Variants in CCDC144A observed in about 807,000 individuals in gnomAD.
CCDC144A encodes coiled-coil domain containing 144A.
In CCDC144A, 41 loss-of-function variants were observed where a neutral mutation model predicts 143.8. That is an observed-to-expected ratio of 0.29 (90% CI 0.22 to 0.37). The LOEUF (loss-of-function observed/expected upper bound fraction) is 0.37. Ranked by LOEUF, CCDC144A falls within the 10% of genes least tolerant of loss-of-function variation. The pLI is 1.00. For synonymous variants in CCDC144A, 242 were observed against 517.9 expected (o/e 0.47, Z 7.23); for missense variants, 637 against 1,488.8 (o/e 0.43, Z 9.41).
At chr17:16,750,410 C>T (rs1268583143) in intron 12 of CCDC144A, among the ~76,000 whole-genome samples, 1 of 147,440 alleles carries the variant, frequency 6.8e-6, no homozygotes, top group Non-Finnish European at 1.5e-5. Flanking sequence ...ACAACAGGCC[C>T]CACTTTCTGG....
At position 16,732,656 on chromosome 17, in the gene CCDC144A, T is replaced by C. The variant is rs778265060; in HGVS notation, c.2408T>C (p.Met803Thr). The C allele has an allele frequency of 6.2e-7, 1 of 1,607,854 alleles. No homozygotes were observed. Among genetic ancestry groups the C allele is most frequent in the Non-Finnish European group, 8.5e-7 (1 of 1,177,806 alleles). ...GAACTAGAAATGGCTCGAAAGAAAATGAATTCTGAGGTATTTTCTTTAGTC... is the reference window on the plus strand; with the variant it reads ...GAACTAGAAATGGCTCGAAAGAAAACGAATTCTGAGGTATTTTCTTTAGTC... ...QKELEMARKK[M>T]NSEISHRHQK... The change falls in exon 11 of 17, where the codon ATG becomes ACG. Residue 803 changes from methionine to threonine, a missense_variant. Met to Thr is a moderately conservative substitution (Grantham distance 81). Transcript: ENST00000399273.
chr17:16,740,409 C>G (rs145720091), intron 12 of CCDC144A, among the ~76,000 whole-genome samples: 1,547 of 152,274 alleles, frequency 0.01, 21 homozygotes, highest in African/African-American at 0.035. Context: ...AATACTTCAA[C>G]CCATTCAAAG....
chr17:16,675,733 C>T, the CCDC144A span, among the ~76,000 whole-genome samples: 13 of 151,928 alleles, frequency 8.6e-5, 2 homozygotes, highest in East Asian at 1.9e-3. Context: ...TGCCCAGCTT[C>T]GTTAAGCTTA....
intron 2 of CCDC144A, among the ~76,000 whole-genome samples, chr17:16,696,494 C>T (rs1026464067): frequency 6.6e-6 from 1 of 150,556 alleles, no homozygotes; most frequent in South Asian, 2.1e-4. Context: ...ATTAGCTGGA[C>T]GTGGTGGAGC....
At chr17:16,692,803 T>A (rs1002062015) in intron 1 of CCDC144A, among the ~76,000 whole-genome samples, 176 bp from the exon 2 acceptor site, 20 of 151,668 alleles carry the variant, frequency 1.3e-4, no homozygotes, top group Non-Finnish European at 2.5e-4. Context: ...TCATCTTTTT[T>A]TCTTCTTCAG....
intron 2 of CCDC144A, among the ~76,000 whole-genome samples, chr17:16,694,132 G>GA (rs1445545331): frequency 6.7e-6 from 1 of 150,036 alleles, no homozygotes; most frequent in Non-Finnish European, 1.5e-5. Context: ...AGAGGTGGGA[G>GA]AAAATCTGCT....
chr17:16,727,467 A>AGTTT, intron 8 of CCDC144A, 60 bp from the exon 9 acceptor site: 1 of 448,274 alleles, frequency 2.2e-6, no homozygotes, highest in South Asian at 2.2e-5. Context: ...AAAAATGCAC[A>AGTTT]GTTTTTTAAT....
intron 4 of CCDC144A, 103 bp downstream of exon 4, chr17:16,707,645 C>G: frequency 3.3e-6 from 2 of 606,484 alleles, no homozygotes; most frequent in Non-Finnish European, 5.7e-6. Flanking sequence ...TCAGACTAGC[C>G]TTTGAGAACC....
At chr17:16,680,226 C>T in the CCDC144A span, among the ~76,000 whole-genome samples, 3 of 151,908 alleles carry the variant, frequency 2.0e-5, no homozygotes, top group East Asian at 1.9e-4. Context: ...TCCAGGCATT[C>T]GAGACCAGCC....
At chr17:16,716,878 A>G (rs1597552061) in intron 6 of CCDC144A, among the ~76,000 whole-genome samples, 1 of 137,114 alleles carries the variant, frequency 7.3e-6, no homozygotes, top group East Asian at 2.1e-4. Context: ...CAGTGGCACC[A>G]TCTCAGCTCA....
chr17:16,725,872 T>C (rs1294870250), intron 8 of CCDC144A, among the ~76,000 whole-genome samples: 1 of 151,050 alleles, frequency 6.6e-6, no homozygotes, highest in African/African-American at 2.4e-5. Context: ...TCTTTACATT[T>C]AGAAAGTTTT....
chr17:16,720,714 A>G, intron 8 of CCDC144A, 56 bp downstream of exon 8: 2 of 1,566,304 alleles, frequency 1.3e-6, no homozygotes, highest in South Asian at 2.4e-5. Context: ...TAATGTGTGT[A>G]TACATTGCTG....
At chr17:16,717,363 G>GCCT (rs1393397246) in intron 6 of CCDC144A, among the ~76,000 whole-genome samples, 1 of 152,056 alleles carries the variant, frequency 6.6e-6, no homozygotes, top group Non-Finnish European at 1.5e-5. Flanking sequence ...GCCCGCCTCA[G>GCCT]CCTCCCAAAG....
the CCDC144A span, among the ~76,000 whole-genome samples, chr17:16,675,497 A>C: frequency 6.6e-6 from 1 of 151,868 alleles, no homozygotes; most frequent in Non-Finnish European, 1.5e-5. Flanking sequence ...TCCCACACTG[A>C]AATTTATACT....
chr17:16,759,796 G>A (rs1434010652), intron 12 of CCDC144A, among the ~76,000 whole-genome samples: 1 of 152,228 alleles, frequency 6.6e-6, no homozygotes, highest in Non-Finnish European at 1.5e-5. Flanking sequence ...TATATGTAGT[G>A]TCAATATCTG....
chr17:16,711,143 A>AAAAAAAAAAAAAC (rs1232399816), intron 5 of CCDC144A, among the ~76,000 whole-genome samples: 89 of 135,058 alleles, frequency 6.6e-4, no homozygotes, highest in African/African-American at 2.4e-3. Flanking sequence ...AATGAAAAAA[A>AAAAAAAAAAAAAC]AAAAAAAAAA....
At chr17:16,762,692 C>T (rs1915431274) in intron 14 of CCDC144A, among the ~76,000 whole-genome samples, 159 bp downstream of exon 14, 1 of 152,058 alleles carries the variant, frequency 6.6e-6, no homozygotes, top group South Asian at 2.1e-4. Context: ...AGTAAATGAA[C>T]TTAACCTTTA....
At chr17:16,677,557 G>T in the CCDC144A span, among the ~76,000 whole-genome samples, 1 of 152,004 alleles carries the variant, frequency 6.6e-6, no homozygotes, top group African/African-American at 2.4e-5. Context: ...CCCATGAATG[G>T]GATTAGGCTC....
rs1172649719 is a variant in CCDC144A at position 16,716,819 on chromosome 17, T to TC, written c.1716-3379_1716-3378insC. On this transcript the variant is annotated intron_variant, in intron 6 of 16. Coordinates refer to ENST00000399273, the MANE Select transcript of CCDC144A (RefSeq NM_001382000.1). ...GTGCAGTGGATTCCAGCTGTTTTTT[T>TC]TTTTTTTTTTTTGAGACGCAGTCTC... Among the ~76,000 whole-genome samples the TC allele has an allele frequency of 5.4e-4, 81 of 149,750 alleles. 1 individual carries two copies. The East Asian group carries it at 0.014, about 26-fold the overall frequency.
Sources: gnomAD v4.1 joint callset for allele counts (sites outside exome capture counted in the v4.1 genomes callset) on GRCh38, gnomAD v4.1.1 for gene constraint, MANE v1.5 for transcripts, NCBI Gene and HGNC (gene_info 2026-07-23, HGNC 2026-07-21) for gene names.